Variants in GMPR2 observed in about 807,000 individuals in gnomAD.
GMPR2 encodes guanosine monophosphate reductase 2.
Under a neutral mutation model 38.5 loss-of-function variants are expected in GMPR2, and 32 were observed. The observed-to-expected ratio is 0.83, with a 90% CI of 0.63 to 1.12. GMPR2 has a LOEUF of 1.12. Ranked by LOEUF, GMPR2 falls within the 50% of genes most tolerant of loss-of-function variation. The pLI, the probability that GMPR2 is intolerant of heterozygous loss-of-function variation, is 0.00. For missense variants in GMPR2, 396 were observed against 432.1 expected (o/e 0.92, Z 0.74); for synonymous variants, 154 against 151.0 (o/e 1.02, Z -0.15).
At position 24,237,529 on chromosome 14, in the gene GMPR2, T is replaced by TG. The variant is rs1046703993; in HGVS notation, c.665dup (p.Cys222TrpfsTer16). The TG allele has an allele frequency of 1.2e-6, 2 of 1,613,908 alleles. No individual in the cohort carries two copies. The highest frequency in any genetic ancestry group is 2.7e-5 in the African/African-American group (2 of 74,932). ...GCTCCTTACTTTGCAGGATGGAGGT[T>TG]GCAGCTGTCCTGGGGATGTGGCCAA... is the stretch of plus-strand genomic sequence containing the variant. On this transcript the variant is annotated frameshift_variant, in exon 8 of 10. Coordinates refer to ENST00000399440, the MANE Select transcript of GMPR2 (RefSeq NM_001002002.3). LOFTEE classifies it high-confidence loss of function.
chr14:24,233,007 A>T (rs2040124040), intron 1 of GMPR2, 30 bp downstream of exon 1: 1 of 616,672 alleles, frequency 1.6e-6, no homozygotes, highest in Non-Finnish European at 2.9e-6. Context: ...GGTCTCTCAC[A>T]ACCCTTTCCC....
At chr14:24,236,854 C>A in intron 5 of GMPR2, 1 of 502,998 alleles carries the variant, frequency 2.0e-6, no homozygotes, top group Non-Finnish European at 3.6e-6. Flanking sequence ...TGACATTGGC[C>A]ACTCACTCCT....
chr14:24,233,860 G>T (rs1393832438), intron 3 of GMPR2: 2 of 565,068 alleles, frequency 3.5e-6, no homozygotes, highest in Non-Finnish European at 6.2e-6. Context: ...CTGTTTAGCA[G>T]TTTGTACACC....
intron 3 of GMPR2, chr14:24,234,342 C>G (rs1458725758): frequency 5.0e-6 from 3 of 603,396 alleles, no homozygotes; most frequent in Non-Finnish European, 7.4e-6. Flanking sequence ...CTCCATTAGT[C>G]TTAAGGACTT....
chr14:24,233,382 C>T, intron 2 of GMPR2, 42 bp downstream of exon 2: 2 of 1,610,416 alleles, frequency 1.2e-6, no homozygotes, highest in Non-Finnish European at 1.7e-6. Context: ...ACCCCACGCT[C>T]CCGGTGGGCC....
In GMPR2 at chr14:24,238,630, A is replaced by C. The variant is rs761278184; in HGVS notation, c.899A>C (p.Asp300Ala). ...GKTVEVPFKG[D>A]VEHTIRDILG... ...ACAGTGGAAGTTCCTTTTAAAGGAGATGTGGAACATACCATCCGAGACATC... is the reference window on the plus strand; with the variant it reads ...ACAGTGGAAGTTCCTTTTAAAGGAGCTGTGGAACATACCATCCGAGACATC... The change falls in exon 10 of 10, where the codon GAT (aspartate) becomes GCT (alanine). Residue 300 changes from aspartate to alanine, a missense_variant. Transcript: ENST00000399440. The C allele has an allele frequency of 6.2e-7, 1 of 1,614,124 alleles. No individual in the cohort carries two copies. The highest frequency in any genetic ancestry group is 8.5e-7 in the Non-Finnish European group (1 of 1,179,990).
chr14:24,236,102 A>G lies in GMPR2; in HGVS notation c.427A>G (p.Lys143Glu), dbSNP rs2040329798. Residue 143 changes from lysine (K) to glutamate (E), a missense_variant, in exon 5 of 10, where the codon AAA (lysine) becomes GAA (glutamate). By Grantham distance (56) the Lys-to-Glu change is moderately conservative (BLOSUM62 1). Coordinates refer to ENST00000399440, the MANE Select transcript of GMPR2 (RefSeq NM_001002002.3). ...GYSEHFVEFVKDVRKRFPQHT... is the reference protein window; with the variant it reads ...GYSEHFVEFVEDVRKRFPQHT... Reference sequence around the variant, plus strand: ...CTCTGAACACTTTGTTGAATTTGTAAAAGATGTACGGAAGCGCTTCCCCCA... The same window carrying G: ...CTCTGAACACTTTGTTGAATTTGTAGAAGATGTACGGAAGCGCTTCCCCCA... 1.9e-6 allele frequency: 3 copies of G among 1,614,030 alleles called. No homozygotes were observed. Among genetic ancestry groups the G allele is most frequent in the Admixed American group, 1.7e-5 (1 of 60,004 alleles).
intron 3 of GMPR2, among the ~76,000 whole-genome samples, chr14:24,234,818 A>G (rs945129347): frequency 2.0e-5 from 3 of 152,206 alleles, no homozygotes; most frequent in African/African-American, 7.2e-5. Context: ...GCTTATCAGT[A>G]TGTTGATGAT....
chr14:24,238,096 G>A, intron 8 of GMPR2, 150 bp from the exon 9 acceptor site: 1 of 676,632 alleles, frequency 1.5e-6, no homozygotes, highest in Non-Finnish European at 2.5e-6. Context: ...GATCAGGCCT[G>A]CGTGGATTGT....
intron 7 of GMPR2, 21 bp downstream of exon 7, chr14:24,237,372 A>T (rs776886701): frequency 6.6e-7 from 1 of 1,524,958 alleles, no homozygotes; most frequent in African/African-American, 1.4e-5. Context: ...AGGGCAGGGT[A>T]GGGTATGAGC....
intron 4 of GMPR2, 21 bp from the exon 5 acceptor site, chr14:24,235,946 A>C: frequency 1.2e-6 from 2 of 1,613,030 alleles, no homozygotes; most frequent in East Asian, 4.5e-5. Context: ...TGATATGCCA[A>C]TGACTCTGTT....
intron 8 of GMPR2, chr14:24,238,031 G>C (rs1439368366): frequency 1.9e-6 from 1 of 536,060 alleles, no homozygotes; most frequent in East Asian, 2.9e-5. Context: ...CTCTCCAGAG[G>C]CTCTTTTTTA....
At chr14:24,238,137 C>A in intron 8 of GMPR2, 109 bp from the exon 9 acceptor site, 1 of 995,744 alleles carries the variant, frequency 1.0e-6, no homozygotes. Context: ...AGGAGGAAGA[C>A]GCTGGAATCA....
chr14:24,235,261 A>G (rs2040281908), intron 3 of GMPR2: 1 of 161,458 alleles, frequency 6.2e-6, no homozygotes, highest in South Asian at 1.7e-4. Flanking sequence ...ACCTTAAGGC[A>G]TTACCTTTGG....
At chr14:24,234,561 T>C (rs1037032841) in intron 3 of GMPR2, among the ~76,000 whole-genome samples, 1 of 152,250 alleles carries the variant, frequency 6.6e-6, no homozygotes, top group African/African-American at 2.4e-5. Flanking sequence ...AGGCGTGCTG[T>C]AATACATGAA....
chr14:24,233,708 G>C, intron 3 of GMPR2, 110 bp downstream of exon 3: 1 of 1,218,496 alleles, frequency 8.2e-7, no homozygotes, highest in Non-Finnish European at 1.2e-6. Context: ...GCAGTTAGCA[G>C]TCAGGATGCT....
chr14:24,232,771 T>G (rs1280759245), upstream of GMPR2: 1 of 232,798 alleles, frequency 4.3e-6, no homozygotes, highest in African/African-American at 2.3e-5. Flanking sequence ...CCCAGAAGGC[T>G]TAGCGGGATT....
At position 24,233,124 on chromosome 14, in the gene GMPR2, C is replaced by T; in HGVS notation, c.-35-95C>T. 1.9e-6 allele frequency: 3 copies of T among 1,561,286 alleles called. No homozygotes were observed. In the South Asian group the frequency reaches 3.4e-5, roughly 18 times the overall value. ...CAGGGACCACACTTCGGCCTTTGCC[C>T]GACCTTCCACAACTTAAGCGAAGAG... On this transcript the variant is annotated intron_variant, in intron 1 of 9. Coordinates refer to ENST00000399440, the MANE Select transcript of GMPR2 (RefSeq NM_001002002.3).
chr14:24,233,532 G>C lies in GMPR2; in HGVS notation c.141G>C (p.Gly47=). The change falls in exon 3 of 10, where the codon GGG becomes GGC. Residue 47 remains glycine (G), a synonymous_variant. Transcript: ENST00000399440. Reference sequence around the variant, plus strand: ...GGAACTCAAAGCAGACATACTCTGGGGTTCCCATCATTGCTGCCAATATGG... The same window carrying C: ...GGAACTCAAAGCAGACATACTCTGGCGTTCCCATCATTGCTGCCAATATGG... ...SFRNSKQTYS[G]VPIIAANMDT... 6.2e-7 allele frequency: 1 copy of C among 1,613,946 alleles called. No individual in the cohort carries two copies. The highest frequency in any genetic ancestry group is 8.5e-7 in the Non-Finnish European group (1 of 1,179,888).
Sources: allele counts gnomAD v4.1 joint callset (sites outside exome capture counted in the v4.1 genomes callset), GRCh38; gene constraint gnomAD v4.1.1; transcripts MANE v1.5; gene names NCBI Gene and HGNC (gene_info 2026-07-23, HGNC 2026-07-21).